ZMYND8: variants seen among roughly 807,000 people sequenced by gnomAD.
ZMYND8 encodes zinc finger MYND-type containing 8.
A neutral mutation model predicts 140.8 loss-of-function variants in ZMYND8; 37 were observed. The ratio of observed to expected loss-of-function variants is 0.26; its 90% CI spans 0.20 to 0.35. ZMYND8 has a LOEUF of 0.35. Ranked by LOEUF, ZMYND8 falls within the 10% of genes least tolerant of loss-of-function variation. The probability of loss-of-function intolerance (pLI) is 1.00; values close to 1 mark genes in which losing one functional copy is unlikely to be tolerated. For synonymous variants in ZMYND8, 592 were observed against 597.1 expected (o/e 0.99, Z 0.12); for missense variants, 1,068 against 1,570.0 (o/e 0.68, Z 5.40).
intron 13 of ZMYND8, among the ~76,000 whole-genome samples, chr20:47,246,820 GATT>G (rs1484043325): frequency 9.9e-5 from 15 of 152,146 alleles, no homozygotes. Context: ...AACTAATTGG[GATT>G]ATTGAGAATG....
chr20:47,216,897 G>A (rs1246684492), intron 21 of ZMYND8, among the ~76,000 whole-genome samples: 3 of 152,194 alleles, frequency 2.0e-5, no homozygotes, highest in Admixed American at 6.5e-5. Context: ...TCCGGCAGAA[G>A]AGAATATCTG....
At chr20:47,270,795 C>T (rs1025697401) in intron 11 of ZMYND8, among the ~76,000 whole-genome samples, 1 of 150,670 alleles carries the variant, frequency 6.6e-6, no homozygotes, top group East Asian at 1.9e-4. Context: ...AAACAGAAAT[C>T]GGCCGGGTGC....
intron 19 of ZMYND8, 83 bp downstream of exon 19, chr20:47,224,234 C>T (rs554290848): frequency 8.3e-6 from 13 of 1,575,042 alleles, no homozygotes; most frequent in Admixed American, 1.7e-5. Flanking sequence ...TGACAATTAG[C>T]CCTGAGACCC....
rs766058579 is a variant in ZMYND8 at position 47,249,433 on chromosome 20, C to T, written c.1628G>A (p.Ser543Asn). The change falls in exon 13 of 23, where the codon AGC becomes AAC. Residue 543 changes from serine (S) to asparagine (N), a missense_variant. Physicochemically the swap from Ser to Asn is conservative, Grantham distance 46. Transcript: ENST00000471951. Reference protein sequence around the residue: ...GSILNLNLDRSKAEMDLKELS... With the variant: ...GSILNLNLDRNKAEMDLKELS... ...CTCCTTCAAATCCATCTCAGCTTTGCTTCGATCTGAAAGAAACCATCACAC... is the reference window on the plus strand; with the variant it reads ...CTCCTTCAAATCCATCTCAGCTTTGTTTCGATCTGAAAGAAACCATCACAC... 1.2e-6 allele frequency: 2 copies of T among 1,614,056 alleles called. No individual in the cohort carries two copies. Among genetic ancestry groups the T allele is most frequent in the Admixed American group, 1.7e-5 (1 of 60,012 alleles).
intron 11 of ZMYND8, 75 bp from the exon 12 acceptor site, chr20:47,262,503 A>G (rs573577255): frequency 1.5e-5 from 24 of 1,566,424 alleles, no homozygotes; most frequent in Non-Finnish European, 1.8e-5. Flanking sequence ...GTGTAGGGAG[A>G]GAATGGAGAG....
chr20:47,235,077 C>G (rs1038883459), intron 16 of ZMYND8, among the ~76,000 whole-genome samples: 2 of 152,186 alleles, frequency 1.3e-5, no homozygotes, highest in African/African-American at 4.8e-5. Flanking sequence ...ATCTACTCAT[C>G]AGTAAAGAAT....
In ZMYND8 at chr20:47,213,089, G is replaced by A. The variant is rs1321274846; in HGVS notation, c.3485-364C>T. 3.9e-5 allele frequency among the ~76,000 whole-genome samples: 6 copies of A among 152,202 alleles called. No individual in the cohort carries two copies. The South Asian group carries it at 1.2e-3, about 32-fold the overall frequency. ...CAGGCACTAGAAACGTGCTAAGGTT[G>A]AAGGCAGCACCCGAGAAAGCCAGAC... On this transcript the variant is annotated intron_variant, in intron 21 of 22. Coordinates refer to ENST00000471951, the MANE Select transcript of ZMYND8 (RefSeq NM_001281775.3).
intron 17 of ZMYND8, among the ~76,000 whole-genome samples, chr20:47,227,586 T>C (rs2037874857): frequency 6.6e-6 from 1 of 152,232 alleles, no homozygotes; most frequent in South Asian, 2.1e-4. Flanking sequence ...TTTTGGTCTA[T>C]AAATACGTAA....
rs752522465 is a variant in ZMYND8, at chr20:47,276,269, C to T, written c.1480+45G>A. Reference sequence around the variant, plus strand: ...CCAAGTGTGCACCCATGGGAAACCCCCGTGTCCAAGGGGCCTCCTCCCCGC... The same window carrying T: ...CCAAGTGTGCACCCATGGGAAACCCTCGTGTCCAAGGGGCCTCCTCCCCGC... On this transcript the variant is annotated intron_variant, in intron 11 of 22. Coordinates refer to ENST00000471951, the MANE Select transcript of ZMYND8 (RefSeq NM_001281775.3). 24 of 1,493,566 alleles carry T rather than the reference C, an allele frequency of 1.6e-5. No homozygotes were observed. The Admixed American group carries it at 2.9e-4, about 18-fold the overall frequency. 92.5% of individuals were successfully genotyped at this position (1,493,566 alleles called of 1,614,324 possible).
At chr20:47,354,700 C>T (rs1427277184) in intron 1 of ZMYND8, 1 of 152,148 alleles carries the variant, frequency 6.6e-6, no homozygotes, top group South Asian at 2.1e-4. Context: ...CATAACACAG[C>T]AATTGAATAT....
At chr20:47,220,097 C>T (rs2036719350) in intron 21 of ZMYND8, among the ~76,000 whole-genome samples, 161 bp downstream of exon 21, 1 of 151,940 alleles carries the variant, frequency 6.6e-6, no homozygotes, top group African/African-American at 2.4e-5. Flanking sequence ...ACATGCTCAG[C>T]TACCCCCTCA....
chr20:47,350,482 T>C (rs1023209337), intron 1 of ZMYND8, among the ~76,000 whole-genome samples: 7 of 151,960 alleles, frequency 4.6e-5, no homozygotes, highest in Non-Finnish European at 7.4e-5. Flanking sequence ...TTTTTTTGAT[T>C]TAGTGTTAAG....
At chr20:47,304,242 AAGAAAGT>A (rs2078305956) in intron 3 of ZMYND8, among the ~76,000 whole-genome samples, 2 of 152,342 alleles carry the variant, frequency 1.3e-5, no homozygotes, top group Admixed American at 1.3e-4. Context: ...GCTGGCTAAC[AAGAAAGT>A]AGAAAAGGCC....
At chr20:47,223,454 G>A (rs757449814) in intron 19 of ZMYND8, among the ~76,000 whole-genome samples, 2 of 152,060 alleles carry the variant, frequency 1.3e-5, no homozygotes, top group African/African-American at 2.4e-5. Context: ...GCAGTGAGCC[G>A]AGATCGTGTC....
chr20:47,290,002 C>T (rs1181008929), intron 7 of ZMYND8, among the ~76,000 whole-genome samples, 185 bp downstream of exon 7: 1 of 152,202 alleles, frequency 6.6e-6, no homozygotes, highest in African/African-American at 2.4e-5. Context: ...CAGCTGCAAG[C>T]CACTTTAGAT....
chr20:47,327,029 G>A (rs1415025209), intron 2 of ZMYND8, among the ~76,000 whole-genome samples: 1 of 152,116 alleles, frequency 6.6e-6, no homozygotes. Flanking sequence ...TAAGGAGGTG[G>A]TGCGCAAAAC....
At chr20:47,255,895 G>A (rs958290561) in intron 12 of ZMYND8, among the ~76,000 whole-genome samples, 2 of 149,344 alleles carry the variant, frequency 1.3e-5, no homozygotes, top group Non-Finnish European at 3.0e-5. Context: ...CCAACATGGT[G>A]AAACCCTATC....
chr20:47,337,831 C>G (rs2081507687), intron 2 of ZMYND8, among the ~76,000 whole-genome samples: 1 of 151,968 alleles, frequency 6.6e-6, no homozygotes, highest in South Asian at 2.1e-4. Context: ...CTAAAACGCT[C>G]TACTAAATGC....
intron 11 of ZMYND8, among the ~76,000 whole-genome samples, chr20:47,273,048 A>C (rs1335453915): frequency 2.6e-5 from 4 of 152,108 alleles, no homozygotes; most frequent in Non-Finnish European, 5.9e-5. Context: ...GGGGACTTTC[A>C]CACCTCCCTT....
Sources: gnomAD v4.1 joint callset for allele counts (sites outside exome capture counted in the v4.1 genomes callset) on GRCh38, gnomAD v4.1.1 for gene constraint, MANE v1.5 for transcripts, NCBI Gene and HGNC (gene_info 2026-07-23, HGNC 2026-07-21) for gene names.